Variants in SCEL observed in about 807,000 individuals in gnomAD.
SCEL encodes the protein sciellin.
Under a neutral mutation model 117.6 loss-of-function variants are expected in SCEL, and 113 were observed. The observed-to-expected ratio is 0.96, with a 90% CI of 0.83 to 1.12. SCEL has a LOEUF of 1.12. SCEL is among the 50% of genes most tolerant of loss of function. SCEL has a pLI of 0.00. For missense variants in SCEL, 785 were observed against 810.8 expected, an observed-to-expected ratio of 0.97 and a Z score of 0.39; for synonymous variants, 270 against 256.2, an observed-to-expected ratio of 1.05 and a Z score of -0.51.
chr13:77,540,056 T>G (rs1223163907), intron 1 of SCEL, among the ~76,000 whole-genome samples: 1 of 152,078 alleles, frequency 6.6e-6, no homozygotes, highest in Non-Finnish European at 1.5e-5. Flanking sequence ...TTTAAGAATA[T>G]GTAAGAATTT....
chr13:77,571,730 T>G (rs144312374), intron 8 of SCEL, among the ~76,000 whole-genome samples: 2,115 of 150,302 alleles, frequency 0.014, 36 homozygotes, highest in African/African-American at 0.042. Context: ...TATATATATA[T>G]AGAGTAGAGT....
rs191920234 is a variant in SCEL at position 77,619,444 on chromosome 13, T to C, written c.1628+1384T>C. Among the ~76,000 whole-genome samples the C allele has an allele frequency of 2.8e-3, 422 of 152,334 alleles. 3 individuals carry two copies. The highest frequency in any genetic ancestry group is 4.3e-3 in the Non-Finnish European group (293 of 68,012). Reference sequence around the variant, plus strand: ...TGGACTTAAACTCAGGGACTTCTGATGTCATTACCTAGAGGAAAAACAAAG... The same window carrying C: ...TGGACTTAAACTCAGGGACTTCTGACGTCATTACCTAGAGGAAAAACAAAG... On this transcript the variant is annotated intron_variant, in intron 27 of 32. Transcript: ENST00000349847.
At chr13:77,543,316 C>G (rs932217906) in intron 1 of SCEL, among the ~76,000 whole-genome samples, 2 of 151,894 alleles carry the variant, frequency 1.3e-5, no homozygotes, top group African/African-American at 4.8e-5. Context: ...ATCTCCTGAC[C>G]TCGTGATCCG....
At chr13:77,629,463 T>C (rs1439711868) in intron 28 of SCEL, among the ~76,000 whole-genome samples, 1 of 152,098 alleles carries the variant, frequency 6.6e-6, no homozygotes, top group Admixed American at 6.6e-5. Flanking sequence ...AAATTAAAAA[T>C]CTAAATAAGA....
At chr13:77,581,402 C>T (rs533754338) in intron 9 of SCEL, among the ~76,000 whole-genome samples, 2 of 152,322 alleles carry the variant, frequency 1.3e-5, no homozygotes, top group Admixed American at 6.5e-5. Flanking sequence ...CCTATGGGAA[C>T]AACCTAGACA....
chr13:77,634,845 G>A (rs1004154471), intron 29 of SCEL, among the ~76,000 whole-genome samples: 4 of 152,146 alleles, frequency 2.6e-5, no homozygotes, highest in African/African-American at 9.7e-5. Context: ...TCTAAAATAA[G>A]GGGTATAAAT....
At chr13:77,638,267 G>A (rs1026121043) in intron 30 of SCEL, among the ~76,000 whole-genome samples, 1 of 151,782 alleles carries the variant, frequency 6.6e-6, no homozygotes, top group African/African-American at 2.4e-5. Flanking sequence ...CCAATATTTT[G>A]CCCATTAGCA....
intron 3 of SCEL, among the ~76,000 whole-genome samples, chr13:77,558,149 C>T (rs188645490): frequency 9.3e-4 from 141 of 152,264 alleles, no homozygotes; most frequent in African/African-American, 3.2e-3. Context: ...TTTACACAGA[C>T]GAGTGACGAT....
chr13:77,555,964 G>C (rs1347556368), intron 2 of SCEL, 46 bp downstream of exon 2: 1 of 1,481,252 alleles, frequency 6.8e-7, no homozygotes, highest in Non-Finnish European at 9.4e-7. Flanking sequence ...TTAAAATTTT[G>C]GAAAAACAAC....
intron 27 of SCEL, among the ~76,000 whole-genome samples, chr13:77,625,219 C>T (rs1766970417): frequency 1.3e-5 from 2 of 152,176 alleles, no homozygotes. Context: ...TTTTATTCCA[C>T]TATCCCCAAA....
chr13:77,627,394 T>G (rs1430575564), intron 27 of SCEL, among the ~76,000 whole-genome samples: 2 of 152,154 alleles, frequency 1.3e-5, no homozygotes, highest in Non-Finnish European at 1.5e-5. Flanking sequence ...AGTCGATTAA[T>G]GGGTACAAAT....
intron 10 of SCEL, 93 bp downstream of exon 10, chr13:77,589,317 T>C: frequency 1.2e-6 from 1 of 866,036 alleles, no homozygotes. Flanking sequence ...AAAGCATGAA[T>C]GTTTTGTGTG....
Position 77,617,589 on chromosome 13 carries a change from C to A in SCEL, c.1452-10C>A. 1.9e-6 allele frequency: 3 copies of A among 1,549,406 alleles called. No individual in the cohort carries two copies. Among genetic ancestry groups the A allele is most frequent in the South Asian group, 2.3e-5 (2 of 85,156 alleles). ...AACCCAAGTTGCTTTAATATTTTTT[C>A]CACTTAAAGAAAACAAGATCTTGAT... On this transcript the variant is annotated splice_polypyrimidine_tract_variant and intron_variant, in intron 24 of 32. Coordinates refer to ENST00000349847, the MANE Select transcript of SCEL (RefSeq NM_144777.3).
intron 10 of SCEL, among the ~76,000 whole-genome samples, 190 bp downstream of exon 10, chr13:77,589,414 A>G (rs1190656565): frequency 6.6e-6 from 1 of 152,186 alleles, no homozygotes. Flanking sequence ...TTGAATACTA[A>G]TGGCTAACTT....
rs1018838569 is a variant in SCEL, at chr13:77,567,381, C to T, written c.291-299C>T. Among the ~76,000 whole-genome samples, 15 of 152,046 alleles carry T rather than the reference C, an allele frequency of 9.9e-5. No homozygotes were observed. The South Asian group carries it at 2.5e-3, about 25-fold the overall frequency. ...AGGCAGTAGAATAGCTTGAACCCTG[C>T]GGGCAGAGGTTGCAGTGAGCTGAGA... On this transcript the variant is annotated intron_variant, in intron 5 of 32. Transcript: ENST00000349847.
At chr13:77,591,323 A>C in intron 10 of SCEL, 72 bp from the exon 11 acceptor site, 1 of 937,390 alleles carries the variant, frequency 1.1e-6, no homozygotes. Flanking sequence ...TAAATTTTTT[A>C]AAATAAATTT....
intron 22 of SCEL, among the ~76,000 whole-genome samples, chr13:77,612,252 C>T (rs190863105): frequency 1.3e-5 from 2 of 152,226 alleles, no homozygotes. Context: ...AGCAGCATCT[C>T]TGTAGAGCTA....
intron 14 of SCEL, 121 bp downstream of exon 14, chr13:77,599,509 A>G: frequency 1.1e-6 from 1 of 893,280 alleles, no homozygotes; most frequent in South Asian, 1.5e-5. Context: ...CAGATGGGGT[A>G]GTGCTCTCAG....
intron 4 of SCEL, 91 bp downstream of exon 4, chr13:77,559,954 C>A: frequency 9.1e-7 from 1 of 1,103,596 alleles, no homozygotes; most frequent in Non-Finnish European, 1.4e-6. Context: ...ATATTTGCAG[C>A]ATGCCTTGGG....
Sources: allele counts gnomAD v4.1 joint callset (sites outside exome capture counted in the v4.1 genomes callset), GRCh38; gene constraint gnomAD v4.1.1; transcripts MANE v1.5; gene names NCBI Gene and HGNC (gene_info 2026-07-23, HGNC 2026-07-21).